The following SLC22A24 variants were observed in gnomAD, a reference collection of about 807,000 sequenced individuals.
SLC22A24 encodes the protein steroid transmembrane transporter SLC22A24.
A neutral mutation model predicts 49.8 loss-of-function variants in SLC22A24; 53 were observed. That is an observed-to-expected ratio of 1.06 (90% CI 0.85 to 1.34). The LOEUF (loss-of-function observed/expected upper bound fraction) is 1.34, where lower values mean the gene tolerates loss of function less well. SLC22A24 is among the 40% of genes most tolerant of loss of function. The pLI, the probability that SLC22A24 is intolerant of heterozygous loss-of-function variation, is 0.00. For synonymous variants in SLC22A24, 302 were observed against 256.4 expected, an observed-to-expected ratio of 1.18 and a Z score of -1.70; for missense variants, 786 against 675.9, an observed-to-expected ratio of 1.16 and a Z score of -1.81.
At chr11:63,121,550 CT>C (rs1224255811) in intron 2 of SLC22A24, among the ~76,000 whole-genome samples, 7 of 151,830 alleles carry the variant, frequency 4.6e-5, no homozygotes, top group Non-Finnish European at 1.0e-4. Context: ...AGATTGGATA[CT>C]TTTTATGTAA....
chr11:63,109,355 T>C (rs1353130351), intron 4 of SLC22A24, among the ~76,000 whole-genome samples: 1 of 148,492 alleles, frequency 6.7e-6, no homozygotes, highest in African/African-American at 2.5e-5. Context: ...CCTTTGGGTA[T>C]ATACCTAGTA....
chr11:63,143,473 C>A lies in SLC22A24; in HGVS notation c.307G>T (p.Gly103Trp), dbSNP rs1234626877. Residue 103 changes from glycine (G) to tryptophan (W), a missense_variant, in exon 1 of 10, where the codon GGG becomes TGG. Coordinates refer to ENST00000612278, the MANE Select transcript of SLC22A24 (RefSeq NM_001136506.2). ...HPQWQLLHLN[G>W]TFPNTNEPDT... ...GGCTCATTTGTGTTGGGGAAGGTCCCGTTCAGGTGAAGGAGCTGCCACTGG... is the reference window on the plus strand; with the variant it reads ...GGCTCATTTGTGTTGGGGAAGGTCCAGTTCAGGTGAAGGAGCTGCCACTGG... 1 of 1,598,866 alleles carries A rather than the reference C, an allele frequency of 6.3e-7. No homozygotes were observed. Among genetic ancestry groups the A allele is most frequent in the African/African-American group, 1.3e-5 (1 of 74,218 alleles).
intron 6 of SLC22A24, among the ~76,000 whole-genome samples, chr11:63,085,794 T>G (rs2086983955): frequency 6.6e-6 from 1 of 152,188 alleles, no homozygotes; most frequent in Non-Finnish European, 1.5e-5. Context: ...GTAATGATAA[T>G]AACAAAATAA....
At chr11:63,109,931 G>T (rs944686388) in intron 4 of SLC22A24, among the ~76,000 whole-genome samples, 4 of 152,126 alleles carry the variant, frequency 2.6e-5, no homozygotes, top group African/African-American at 9.7e-5. Flanking sequence ...CCATGCCTAT[G>T]TCCTGAATGG....
intron 4 of SLC22A24, among the ~76,000 whole-genome samples, chr11:63,111,457 C>T (rs1341680540): frequency 7.9e-5 from 12 of 151,782 alleles, no homozygotes; most frequent in African/African-American, 2.2e-4. Flanking sequence ...TGGTAGAATT[C>T]GGCTGTGAAT....
chr11:63,092,812 G>A (rs1324403141), intron 6 of SLC22A24, among the ~76,000 whole-genome samples: 1 of 151,766 alleles, frequency 6.6e-6, no homozygotes, highest in South Asian at 2.1e-4. Context: ...AACACAAAAA[G>A]CAATTGAAAC....
intron 5 of SLC22A24, among the ~76,000 whole-genome samples, 184 bp from the exon 6 acceptor site, chr11:63,096,290 GA>G (rs2087054760): frequency 6.6e-6 from 1 of 152,146 alleles, no homozygotes; most frequent in African/African-American, 2.4e-5. Flanking sequence ...GGTGTAGGAA[GA>G]AATGGGAACT....
At chr11:63,123,920 TA>T (rs1565336461) in intron 2 of SLC22A24, among the ~76,000 whole-genome samples, 1 of 152,186 alleles carries the variant, frequency 6.6e-6, no homozygotes, top group East Asian at 1.9e-4. Flanking sequence ...AGTAAGTCTT[TA>T]AAAAGGTTTT....
At chr11:63,120,252 A>G (rs529236818) in intron 2 of SLC22A24, among the ~76,000 whole-genome samples, 43 of 139,722 alleles carry the variant, frequency 3.1e-4, no homozygotes, top group Non-Finnish European at 5.3e-4. Context: ...GAATTGAACA[A>G]TGAGATCACA....
intron 4 of SLC22A24, among the ~76,000 whole-genome samples, chr11:63,110,437 G>A (rs1477397837): frequency 2.0e-5 from 3 of 150,798 alleles, no homozygotes; most frequent in East Asian, 2.0e-4. Flanking sequence ...ATTATCTTGG[G>A]CAGTATGGCC....
At chr11:63,089,808 G>A (rs879725081) in intron 6 of SLC22A24, among the ~76,000 whole-genome samples, 4 of 152,016 alleles carry the variant, frequency 2.6e-5, no homozygotes, top group Non-Finnish European at 4.4e-5. Flanking sequence ...AAGGCCGGCC[G>A]CGGTGGCTCA....
At chr11:63,081,162 A>G (rs1565321103) in intron 8 of SLC22A24, 39 bp from the exon 9 acceptor site, 3 of 1,482,980 alleles carry the variant, frequency 2.0e-6, no homozygotes, top group Non-Finnish European at 2.8e-6. Flanking sequence ...TCTTGTATGA[A>G]TCTGTACATG....
intron 2 of SLC22A24, among the ~76,000 whole-genome samples, chr11:63,122,498 T>C (rs7925759): frequency 8.1e-4 from 123 of 152,196 alleles, no homozygotes; most frequent in African/African-American, 2.7e-3. Flanking sequence ...ACAGAGAAGG[T>C]TTATGTGCAT....
At chr11:63,135,632 T>C (rs1317814030) in intron 1 of SLC22A24, among the ~76,000 whole-genome samples, 1 of 152,236 alleles carries the variant, frequency 6.6e-6, no homozygotes, top group Non-Finnish European at 1.5e-5. Context: ...CAATGGACAT[T>C]TCTCGCTTTA....
chr11:63,106,237 C>T (rs984795651), intron 4 of SLC22A24, among the ~76,000 whole-genome samples: 1 of 152,076 alleles, frequency 6.6e-6, no homozygotes. Context: ...CCAGTTTCAT[C>T]CACGTCCATA....
At chr11:63,130,051 G>A in intron 2 of SLC22A24, among the ~76,000 whole-genome samples, 1 of 152,168 alleles carries the variant, frequency 6.6e-6, no homozygotes. Flanking sequence ...CTTGTCTTGT[G>A]CTGGTTTTCA....
chr11:63,135,529 G>T (rs2087367766), intron 1 of SLC22A24, among the ~76,000 whole-genome samples: 1 of 152,174 alleles, frequency 6.6e-6, no homozygotes, highest in Non-Finnish European at 1.5e-5. Flanking sequence ...TATTAGGTTG[G>T]TGCAAATGTA....
intron 7 of SLC22A24, among the ~76,000 whole-genome samples, chr11:63,081,941 G>A (rs2086962766): frequency 6.6e-6 from 1 of 152,152 alleles, no homozygotes; most frequent in Admixed American, 6.5e-5. Context: ...GGACCAACAG[G>A]AAATATTTGT....
intron 2 of SLC22A24, among the ~76,000 whole-genome samples, chr11:63,134,077 T>G (rs2134680935): frequency 6.6e-6 from 1 of 152,324 alleles, no homozygotes; most frequent in Non-Finnish European, 1.5e-5. Flanking sequence ...TTCACAAGGA[T>G]CAGCATCCAG....
Sources: allele counts gnomAD v4.1 joint callset (sites outside exome capture counted in the v4.1 genomes callset), GRCh38; gene constraint gnomAD v4.1.1; transcripts MANE v1.5; gene names NCBI Gene and HGNC (gene_info 2026-07-23, HGNC 2026-07-21).